ERBB4: variants seen among roughly 807,000 people sequenced by gnomAD.
The protein encoded by ERBB4 is receptor tyrosine-protein kinase erbB-4.
Under a neutral mutation model 158.0 loss-of-function variants are expected in ERBB4, and 42 were observed. That is an observed-to-expected ratio of 0.27 (90% confidence interval 0.21 to 0.34). The LOEUF is 0.34. Ranked by LOEUF, ERBB4 falls within the 10% of genes least tolerant of loss-of-function variation. ERBB4 has a pLI of 1.00. For missense variants in ERBB4, 1,333 were observed against 1,624.1 expected, an observed-to-expected ratio of 0.82 and a Z score of 3.08; for synonymous variants, 583 against 558.7, an observed-to-expected ratio of 1.04 and a Z score of -0.61.
rs138027641 is a variant in ERBB4, at chr2:211,529,434, A to G, written c.2487+32469T>C. On this transcript the variant is annotated intron_variant, in intron 20 of 27. Coordinates refer to ENST00000342788, the MANE Select transcript of ERBB4 (RefSeq NM_005235.3). ...AACTCTACCAAATATTTAAAGAACT[A>G]ATACCAATCCTATTCAAACTATTCC... Among the ~76,000 whole-genome samples the G allele has an allele frequency of 3.5e-3, 532 of 152,198 alleles. 1 individual carries two copies. Among genetic ancestry groups the G allele is most frequent in the African/African-American group, 0.012 (512 of 41,558 alleles).
intron 3 of ERBB4, among the ~76,000 whole-genome samples, chr2:211,869,518 T>C (rs184640773): frequency 6.6e-6 from 1 of 152,330 alleles, no homozygotes; most frequent in East Asian, 1.9e-4. Flanking sequence ...ATTATTTCTC[T>C]ATCACTACAA....
At chr2:212,397,365 C>T (rs1002010581) in intron 1 of ERBB4, among the ~76,000 whole-genome samples, 3 of 151,892 alleles carry the variant, frequency 2.0e-5, no homozygotes, top group African/African-American at 7.3e-5. Flanking sequence ...CCCAGCTACT[C>T]AAGAGGCTGA....
chr2:211,446,463 G>A (rs1260359440), intron 20 of ERBB4, among the ~76,000 whole-genome samples: 1 of 152,132 alleles, frequency 6.6e-6, no homozygotes, highest in Admixed American at 6.5e-5. Flanking sequence ...ATTTCAAAGT[G>A]TCATGTATAT....
chr2:212,373,984 ATCCATATATATCC>A (rs1560147577), intron 1 of ERBB4, among the ~76,000 whole-genome samples: 1 of 124,208 alleles, frequency 8.1e-6, no homozygotes, highest in Non-Finnish European at 1.7e-5. Context: ...ATATATATAT[ATCCATATATATCC>A]ATATATATAT....
intron 12 of ERBB4, among the ~76,000 whole-genome samples, chr2:211,682,050 TCACACACA>T (rs60803024): frequency 6.9e-3 from 921 of 134,440 alleles, no homozygotes; most frequent in African/African-American, 0.015. Flanking sequence ...TTTATACACA[TCACACACA>T]CACACACACA....
intron 20 of ERBB4, among the ~76,000 whole-genome samples, chr2:211,552,617 CG>C (rs2067129688): frequency 6.6e-6 from 1 of 151,126 alleles, no homozygotes; most frequent in South Asian, 2.1e-4. Context: ...ATTAGGGCAC[CG>C]GAAAAAAAAA....
At chr2:212,374,684 A>G (rs1217220189) in intron 1 of ERBB4, among the ~76,000 whole-genome samples, 2 of 151,984 alleles carry the variant, frequency 1.3e-5, no homozygotes, top group East Asian at 3.9e-4. Context: ...GAGATAAATG[A>G]CAAGAATGGC....
chr2:212,513,137 A>G (rs924236573), intron 1 of ERBB4, among the ~76,000 whole-genome samples: 3 of 152,144 alleles, frequency 2.0e-5, no homozygotes, highest in African/African-American at 2.4e-5. Flanking sequence ...ATTTACCATA[A>G]AATTTGGAAA....
chr2:212,193,470 T>C (rs1046262848), intron 1 of ERBB4, among the ~76,000 whole-genome samples: 24 of 152,160 alleles, frequency 1.6e-4, no homozygotes, highest in African/African-American at 4.3e-4. Context: ...AATAAGAAGA[T>C]AGAAAACAGT....
At chr2:211,749,186 G>T (rs1379849483) in intron 5 of ERBB4, among the ~76,000 whole-genome samples, 1 of 152,132 alleles carries the variant, frequency 6.6e-6, no homozygotes, top group African/African-American at 2.4e-5. Context: ...TATGTACATT[G>T]CTCTCGGTAG....
At chr2:212,452,325 A>T (rs961112063) in intron 1 of ERBB4, among the ~76,000 whole-genome samples, 2 of 152,234 alleles carry the variant, frequency 1.3e-5, no homozygotes, top group East Asian at 3.8e-4. Flanking sequence ...AAGTAAAAAT[A>T]ACATTTAACA....
chr2:212,228,121 T>C (rs1559793778), intron 1 of ERBB4, among the ~76,000 whole-genome samples: 1 of 152,220 alleles, frequency 6.6e-6, no homozygotes, highest in Non-Finnish European at 1.5e-5. Context: ...TTGGTTTGTG[T>C]GATCTTTCTT....
intron 20 of ERBB4, among the ~76,000 whole-genome samples, chr2:211,435,329 G>C (rs558336749): frequency 5.3e-5 from 8 of 152,136 alleles, no homozygotes; most frequent in Non-Finnish European, 1.0e-4. Flanking sequence ...CATTGACCCA[G>C]TACTTAGAAC....
At chr2:212,537,466 C>T (rs1048672452) in intron 1 of ERBB4, among the ~76,000 whole-genome samples, 2 of 152,054 alleles carry the variant, frequency 1.3e-5, no homozygotes, top group African/African-American at 2.4e-5. Context: ...CCGTGGCGGG[C>T]CAGCCCCGCC....
intron 1 of ERBB4, among the ~76,000 whole-genome samples, chr2:212,316,969 T>C (rs534487413): frequency 6.6e-6 from 1 of 151,680 alleles, no homozygotes; most frequent in South Asian, 2.1e-4. Context: ...GGTGATTATA[T>C]TAAAGATAAC....
chr2:212,168,821 C>T (rs2081426132), intron 1 of ERBB4, among the ~76,000 whole-genome samples: 1 of 152,080 alleles, frequency 6.6e-6, no homozygotes, highest in Non-Finnish European at 1.5e-5. Context: ...ATGCCTGAAG[C>T]ACAGAATCTT....
intron 5 of ERBB4, among the ~76,000 whole-genome samples, chr2:211,742,327 AGTTT>A (rs1334993270): frequency 1.3e-5 from 2 of 152,230 alleles, no homozygotes; most frequent in African/African-American, 2.4e-5. Context: ...GAGTATAATT[AGTTT>A]ATTATCCAAA....
intron 3 of ERBB4, among the ~76,000 whole-genome samples, chr2:211,806,050 T>C (rs1175949828): frequency 6.6e-6 from 1 of 152,082 alleles, no homozygotes; most frequent in African/African-American, 2.4e-5. Flanking sequence ...GAATACATTA[T>C]CAATAAATTG....
chr2:212,500,830 A>T (rs1690847205), intron 1 of ERBB4, among the ~76,000 whole-genome samples: 1 of 152,316 alleles, frequency 6.6e-6, no homozygotes, highest in Admixed American at 6.5e-5. Flanking sequence ...AAGGAGATTT[A>T]AAAAAGCAAC....
Sources: allele counts gnomAD v4.1 joint callset (sites outside exome capture counted in the v4.1 genomes callset), GRCh38; gene constraint gnomAD v4.1.1; transcripts MANE v1.5; gene names NCBI Gene and HGNC (gene_info 2026-07-23, HGNC 2026-07-21).